Variants in STXBP5L observed in about 807,000 individuals in gnomAD.
STXBP5L encodes the protein syntaxin binding protein 5L.
Under a neutral mutation model 144.5 loss-of-function variants are expected in STXBP5L, and 65 were observed. The ratio of observed to expected loss-of-function variants is 0.45; its 90% CI spans 0.37 to 0.55. The LOEUF (loss-of-function observed/expected upper bound fraction) is 0.55, where lower values mean the gene tolerates loss of function less well. Ranked by LOEUF, STXBP5L falls within the 20% of genes least tolerant of loss-of-function variation. The pLI is 0.00. For missense variants in STXBP5L, 1,298 were observed against 1,405.5 expected (o/e 0.92, Z 1.22); for synonymous variants, 505 against 469.6 (o/e 1.08, Z -0.97).
rs573593324 is a variant in STXBP5L at position 121,249,149 on chromosome 3, T to C, written c.1401-1574T>C. Among the ~76,000 whole-genome samples the C allele has an allele frequency of 2.0e-5, 3 of 151,594 alleles. No individual in the cohort carries two copies. In the South Asian group the frequency reaches 6.3e-4, roughly 32 times the overall value. ...TGGTTTCATATGAAATTTTGAATAG[T>C]TTTTTTTTCTACTTCTGTGAGGAAT... On this transcript the variant is annotated intron_variant, in intron 14 of 26. Coordinates refer to ENST00000471454, the MANE Select transcript of STXBP5L (RefSeq NM_001308330.2).
chr3:120,927,215 G>C (rs1197146379), intron 2 of STXBP5L, among the ~76,000 whole-genome samples: 5 of 152,296 alleles, frequency 3.3e-5, no homozygotes, highest in African/African-American at 1.2e-4. Flanking sequence ...GATTACAGGT[G>C]TGAGCCACTA....
intron 3 of STXBP5L, among the ~76,000 whole-genome samples, chr3:120,994,576 T>G (rs975769385): frequency 1.3e-5 from 2 of 152,132 alleles, no homozygotes; most frequent in African/African-American, 4.8e-5. Flanking sequence ...TTTGTTGATG[T>G]ATTTCATTTA....
At chr3:121,359,300 T>C (rs923129704) in intron 20 of STXBP5L, among the ~76,000 whole-genome samples, 3 of 152,188 alleles carry the variant, frequency 2.0e-5, no homozygotes, top group African/African-American at 7.2e-5. Flanking sequence ...TTGATCAGAT[T>C]ATTAGATTTT....
intron 10 of STXBP5L, among the ~76,000 whole-genome samples, chr3:121,214,367 A>T (rs1240681822): frequency 1.3e-5 from 2 of 152,340 alleles, no homozygotes; most frequent in South Asian, 2.1e-4. Context: ...TTCTCTCTAA[A>T]CACTGATTTA....
chr3:121,190,224 C>T (rs2047585940), intron 9 of STXBP5L, among the ~76,000 whole-genome samples: 1 of 152,120 alleles, frequency 6.6e-6, no homozygotes, highest in South Asian at 2.1e-4. Flanking sequence ...GTGTTTGTGT[C>T]CCTGGGAACT....
chr3:121,052,209 G>T (rs1233384798), intron 5 of STXBP5L, among the ~76,000 whole-genome samples: 1 of 152,102 alleles, frequency 6.6e-6, no homozygotes, highest in Non-Finnish European at 1.5e-5. Context: ...GAAAAAGAGG[G>T]AATCCTCCCT....
chr3:121,308,525 T>C (rs1275752117), intron 19 of STXBP5L, among the ~76,000 whole-genome samples: 1 of 152,204 alleles, frequency 6.6e-6, no homozygotes, highest in African/African-American at 2.4e-5. Flanking sequence ...TCTCAGCTGA[T>C]TTTTAAAGCA....
chr3:120,957,232 G>T (rs1938132271), intron 3 of STXBP5L, among the ~76,000 whole-genome samples: 3 of 152,000 alleles, frequency 2.0e-5, no homozygotes, highest in Admixed American at 2.0e-4. Context: ...TAGCTTTGTA[G>T]ATTGGAAACC....
intron 3 of STXBP5L, among the ~76,000 whole-genome samples, chr3:121,016,176 G>T (rs957787577): frequency 6.6e-6 from 1 of 152,210 alleles, no homozygotes; most frequent in South Asian, 2.1e-4. Context: ...CAATACAAAC[G>T]TGTGGTTTTC....
At chr3:121,390,278 C>T (rs6785733) in intron 22 of STXBP5L, among the ~76,000 whole-genome samples, 18,705 of 151,982 alleles carry the variant, frequency 0.12, 1,266 homozygotes, top group South Asian at 0.24. Context: ...AGCCTATGTG[C>T]GTCTTTGCAT....
intron 5 of STXBP5L, among the ~76,000 whole-genome samples, chr3:121,095,276 T>C (rs1477943454): frequency 6.6e-6 from 1 of 152,196 alleles, no homozygotes; most frequent in Non-Finnish European, 1.5e-5. Context: ...GGAGTTGCTC[T>C]TCTCGAGGAG....
chr3:121,071,633 T>C (rs1466403225), intron 5 of STXBP5L, among the ~76,000 whole-genome samples: 1 of 152,196 alleles, frequency 6.6e-6, no homozygotes, highest in Non-Finnish European at 1.5e-5. Flanking sequence ...ATGGGGACCA[T>C]CCCATAAAGG....
chr3:121,405,607 T>C (rs1055217486), intron 22 of STXBP5L, among the ~76,000 whole-genome samples: 3 of 152,116 alleles, frequency 2.0e-5, no homozygotes, highest in African/African-American at 7.2e-5. Flanking sequence ...CCTAATTAAT[T>C]AAGATCTTAT....
At chr3:121,277,597 C>T (rs1174846004) in intron 18 of STXBP5L, among the ~76,000 whole-genome samples, 1 of 151,696 alleles carries the variant, frequency 6.6e-6, no homozygotes, top group African/African-American at 2.4e-5. Flanking sequence ...TTTATCATCT[C>T]TTTCATTTCT....
chr3:121,324,956 T>A lies in STXBP5L; in HGVS notation c.2176+6416T>A, dbSNP rs114955716. On this transcript the variant is annotated intron_variant, in intron 20 of 26. Transcript: ENST00000471454. ...CCAAACAATAGTAAGATTTTTTTTA[T>A]ATTCTCTGTAATTCTTCATAATACC... 1.3e-3 allele frequency among the ~76,000 whole-genome samples: 193 copies of A among 152,144 alleles called. 1 individual carries two copies. Among genetic ancestry groups the A allele is most frequent in the African/African-American group, 4.3e-3 (180 of 41,552 alleles).
At chr3:120,978,163 C>G (rs904615383) in intron 3 of STXBP5L, among the ~76,000 whole-genome samples, 1 of 152,208 alleles carries the variant, frequency 6.6e-6, no homozygotes, top group Non-Finnish European at 1.5e-5. Flanking sequence ...TCCATTCTCC[C>G]TGTCACTTTC....
chr3:121,349,118 C>T (rs1454387313), intron 20 of STXBP5L, among the ~76,000 whole-genome samples: 1 of 152,116 alleles, frequency 6.6e-6, no homozygotes, highest in African/African-American at 2.4e-5. Flanking sequence ...TCCCTCTACA[C>T]ACTGCTTTAA....
chr3:120,942,634 T>C (rs959997264), intron 2 of STXBP5L, among the ~76,000 whole-genome samples: 1 of 151,480 alleles, frequency 6.6e-6, no homozygotes, highest in Non-Finnish European at 1.5e-5. Context: ...CTACTGATTT[T>C]TTTTTGTTTT....
chr3:120,960,839 G>A (rs1047300871), intron 3 of STXBP5L, among the ~76,000 whole-genome samples: 5 of 150,582 alleles, frequency 3.3e-5, no homozygotes, highest in African/African-American at 7.3e-5. Context: ...CAGCACACCA[G>A]CATGGCACAT....
Sources: gnomAD v4.1 joint callset for allele counts (sites outside exome capture counted in the v4.1 genomes callset) on GRCh38, gnomAD v4.1.1 for gene constraint, MANE v1.5 for transcripts, NCBI Gene and HGNC (gene_info 2026-07-23, HGNC 2026-07-21) for gene names.